Variants in CSMD1 observed in about 807,000 individuals in gnomAD.
The protein encoded by CSMD1 is CUB and sushi domain-containing protein 1.
Under a neutral mutation model 417.5 loss-of-function variants are expected in CSMD1, and 213 were observed. That is an observed-to-expected ratio of 0.51 (90% CI 0.46 to 0.57). CSMD1 has a LOEUF of 0.57. CSMD1 is among the 20% of genes least tolerant of loss of function. The probability of loss-of-function intolerance (pLI) is 0.00; values close to 1 mark genes in which losing one functional copy is unlikely to be tolerated. For synonymous variants in CSMD1, 2,862 were observed against 1,736.8 expected, an observed-to-expected ratio of 1.65 and a Z score of -16.11; for missense variants, 6,923 against 4,529.7, an observed-to-expected ratio of 1.53 and a Z score of -15.17.
chr8:3,116,031 G>C (rs1302768740), intron 42 of CSMD1, among the ~76,000 whole-genome samples: 1 of 152,200 alleles, frequency 6.6e-6, no homozygotes, highest in Non-Finnish European at 1.5e-5. Flanking sequence ...CTCTGGGAAA[G>C]ACTGAAGTGC....
intron 3 of CSMD1, among the ~76,000 whole-genome samples, chr8:4,306,498 T>C (rs1360853665): frequency 6.6e-6 from 1 of 152,128 alleles, no homozygotes; most frequent in Non-Finnish European, 1.5e-5. Context: ...AAGATCTCAT[T>C]TCTAGAACCA....
chr8:4,740,914 T>G (rs1324869985), intron 1 of CSMD1, among the ~76,000 whole-genome samples: 2 of 152,160 alleles, frequency 1.3e-5, no homozygotes, highest in African/African-American at 2.4e-5. Context: ...TTTCCTGACT[T>G]TAAAGTTTCA....
At position 3,829,739 on chromosome 8, in the gene CSMD1, T is replaced by A. The variant is rs1197102194; in HGVS notation, c.819-75697A>T. Among the ~76,000 whole-genome samples the A allele has an allele frequency of 2.0e-5, 3 of 152,222 alleles. No homozygotes were observed. The East Asian group carries it at 5.8e-4, about 29-fold the overall frequency. On this transcript the variant is annotated intron_variant, in intron 5 of 69. Coordinates refer to ENST00000635120, the MANE Select transcript of CSMD1 (RefSeq NM_033225.6). ...TTTCTTCCTGTAGCAGTTCTCAAAA[T>A]TCTCATTATACCCCAATTATGTGAT...
chr8:3,329,759 T>C (rs1806774427), intron 23 of CSMD1, among the ~76,000 whole-genome samples: 1 of 152,128 alleles, frequency 6.6e-6, no homozygotes, highest in Admixed American at 6.5e-5. Context: ...ATGCCATCAG[T>C]CTGTGCAGGG....
At chr8:3,962,727 G>A (rs1437977496) in intron 5 of CSMD1, among the ~76,000 whole-genome samples, 1 of 152,044 alleles carries the variant, frequency 6.6e-6, no homozygotes, top group Non-Finnish European at 1.5e-5. Context: ...AGACTCTTCG[G>A]GTTGGACTCA....
chr8:3,438,033 T>A (rs556472265), intron 12 of CSMD1, among the ~76,000 whole-genome samples: 21 of 152,306 alleles, frequency 1.4e-4, no homozygotes, highest in South Asian at 1.2e-3. Flanking sequence ...AAATAGAGGT[T>A]TTTGTACAAA....
chr8:3,977,055 T>C (rs1411154166), intron 5 of CSMD1, among the ~76,000 whole-genome samples: 1 of 152,212 alleles, frequency 6.6e-6, no homozygotes. Flanking sequence ...CCATCTTTTC[T>C]TGAATTTCTT....
intron 1 of CSMD1, among the ~76,000 whole-genome samples, chr8:4,708,364 T>A (rs561548950): frequency 1.3e-5 from 2 of 152,324 alleles, no homozygotes; most frequent in Non-Finnish European, 2.9e-5. Context: ...ACAACATCTG[T>A]CTTGTTCATT....
intron 2 of CSMD1, among the ~76,000 whole-genome samples, chr8:4,458,358 T>C (rs935994542): frequency 2.0e-5 from 3 of 152,192 alleles, no homozygotes; most frequent in African/African-American, 7.2e-5. Context: ...GTAATCATAA[T>C]AATGAAATTA....
Position 4,920,681 on chromosome 8 carries a change from G to A in CSMD1, c.85+73651C>T, listed in dbSNP as rs541888548. Among the ~76,000 whole-genome samples the A allele has an allele frequency of 8.6e-5, 13 of 151,938 alleles. No individual in the cohort carries two copies. In the South Asian group the frequency reaches 2.5e-3, roughly 29 times the overall value. ...TAGTAAATACCAAAAAAATAGCCAT[G>A]CGTGGGTGGTGCATGTCTGCAATCC... On this transcript the variant is annotated intron_variant, in intron 1 of 69. Coordinates refer to ENST00000635120, the MANE Select transcript of CSMD1 (RefSeq NM_033225.6).
At chr8:4,242,828 G>A (rs974975745) in intron 3 of CSMD1, among the ~76,000 whole-genome samples, 1 of 152,158 alleles carries the variant, frequency 6.6e-6, no homozygotes. Context: ...AACGACATGT[G>A]ACTATTAGTG....
At chr8:4,616,755 G>C (rs936082194) in intron 2 of CSMD1, among the ~76,000 whole-genome samples, 1 of 152,076 alleles carries the variant, frequency 6.6e-6, no homozygotes, top group African/African-American at 2.4e-5. Context: ...CAGGGATATT[G>C]GCATAAATGC....
At chr8:3,718,517 G>A (rs766659796) in intron 6 of CSMD1, among the ~76,000 whole-genome samples, 2 of 152,194 alleles carry the variant, frequency 1.3e-5, no homozygotes, top group Non-Finnish European at 2.9e-5. Context: ...CATTTGTACT[G>A]TTGATATTCC....
chr8:4,697,999 T>A (rs1207908354), intron 1 of CSMD1, among the ~76,000 whole-genome samples: 8 of 152,194 alleles, frequency 5.3e-5, no homozygotes, highest in Admixed American at 5.2e-4. Context: ...AGATCTTACA[T>A]CGAACACTTA....
At chr8:4,764,705 C>T (rs1338948913) in intron 1 of CSMD1, among the ~76,000 whole-genome samples, 3 of 150,026 alleles carry the variant, frequency 2.0e-5, no homozygotes, top group Admixed American at 1.3e-4. Context: ...AAACCCATCT[C>T]TACTAAAAAT....
chr8:4,607,386 C>A (rs1035772240), intron 2 of CSMD1, among the ~76,000 whole-genome samples: 3 of 152,010 alleles, frequency 2.0e-5, no homozygotes, highest in Admixed American at 1.3e-4. Context: ...GGAGTAGTTG[C>A]TGGAGAATAG....
intron 3 of CSMD1, among the ~76,000 whole-genome samples, chr8:4,146,878 G>T (rs539611973): frequency 2.1e-5 from 3 of 144,634 alleles, no homozygotes; most frequent in African/African-American, 8.7e-5. Context: ...CCAAAGTGCC[G>T]GCGTGATTAC....
Position 4,458,982 on chromosome 8 carries a change from G to T in CSMD1, c.303-38917C>A, listed in dbSNP as rs146333437. Among the ~76,000 whole-genome samples, 1,083 of 152,310 alleles carry T rather than the reference G, an allele frequency of 7.1e-3. 6 individuals carry two copies. Among genetic ancestry groups the T allele is most frequent in the Admixed American group, 0.012 (184 of 15,292 alleles). On this transcript the variant is annotated intron_variant, in intron 2 of 69. Coordinates refer to ENST00000635120, the MANE Select transcript of CSMD1 (RefSeq NM_033225.6). Reference sequence around the variant, plus strand: ...GAAACATCTAACCAAGAACATCTCAGTGAGGATTCACGTTTGTGCAGCTTG... The same window carrying T: ...GAAACATCTAACCAAGAACATCTCATTGAGGATTCACGTTTGTGCAGCTTG...
intron 3 of CSMD1, among the ~76,000 whole-genome samples, chr8:4,352,529 A>G (rs1584943813): frequency 6.6e-6 from 1 of 152,238 alleles, no homozygotes; most frequent in Non-Finnish European, 1.5e-5. Context: ...TTCCAGTTGC[A>G]AAAGAATGCA....
Sources: allele counts gnomAD v4.1 joint callset (sites outside exome capture counted in the v4.1 genomes callset), GRCh38; gene constraint gnomAD v4.1.1; transcripts MANE v1.5; gene names NCBI Gene and HGNC (gene_info 2026-07-23, HGNC 2026-07-21).